The following DACH1 variants were observed in gnomAD, a reference collection of about 807,000 sequenced individuals.
DACH1 encodes the protein dachshund family transcription factor 1, also known as dachshund homolog 1.
DACH1 carries 12 observed loss-of-function variants against 54.2 expected under a neutral mutation model. The observed-to-expected ratio is 0.22, with a 90% confidence interval of 0.14 to 0.36. The LOEUF (loss-of-function observed/expected upper bound fraction) is 0.36. Among genes scored for constraint, DACH1 ranks in the 10% least tolerant of loss-of-function variants. The pLI is 1.00. For missense variants in DACH1, 805 were observed against 929.8 expected (o/e 0.87, Z 1.75); for synonymous variants, 386 against 366.2 (o/e 1.05, Z -0.62).
At position 71,866,470 on chromosome 13, in the gene DACH1, A is replaced by G. The variant is rs1364941620; in HGVS notation, c.300T>C (p.Gly100=). ...CCAGGTTGGGGTTGCAGTTGCTGCCACCGCCGCCGCCGCCACCGCCGCCTC... is the reference window on the plus strand; with the variant it reads ...CCAGGTTGGGGTTGCAGTTGCTGCCGCCGCCGCCGCCGCCACCGCCGCCTC... ...GNGGGGGGGG[G]GSNCNPNLAA... Residue 100 remains glycine, a synonymous_variant, in exon 1 of 11, where the codon GGT becomes GGC. Coordinates refer to ENST00000613252, the MANE Select transcript of DACH1 (RefSeq NM_080759.6). 26 of 1,256,846 alleles carry G rather than the reference A, an allele frequency of 2.1e-5. No homozygotes were observed. Among genetic ancestry groups the G allele is most frequent in the East Asian group, 1.6e-4 (5 of 30,372 alleles). The allele number at this position is 1,256,846 out of a possible 1,614,324, so 77.9% of individuals were successfully genotyped here.
chr13:71,530,253 A>C (rs551428399), intron 6 of DACH1, among the ~76,000 whole-genome samples: 158 of 152,314 alleles, frequency 1.0e-3, no homozygotes, highest in Non-Finnish European at 1.8e-3. Context: ...AGGCTCTCTT[A>C]TTGCTATATA....
intron 2 of DACH1, among the ~76,000 whole-genome samples, chr13:71,645,221 C>T (rs1377427941): frequency 1.3e-5 from 2 of 152,082 alleles, no homozygotes; most frequent in African/African-American, 2.4e-5. Context: ...GATTCTCCCC[C>T]CTCTTTATTT....
chr13:71,807,419 C>CAAAAAA (rs10688170), intron 1 of DACH1, among the ~76,000 whole-genome samples: 87 of 99,664 alleles, frequency 8.7e-4, no homozygotes, highest in African/African-American at 3.3e-3. Flanking sequence ...TCACAGATTG[C>CAAAAAA]AAAAAAAAAA....
chr13:71,850,248 ATAGT>A (rs1264959500), intron 1 of DACH1, among the ~76,000 whole-genome samples: 1 of 152,200 alleles, frequency 6.6e-6, no homozygotes, highest in African/African-American at 2.4e-5. Flanking sequence ...TTATTAACAA[ATAGT>A]TAGAGAAGTA....
At chr13:71,601,625 A>G (rs1391722867) in intron 3 of DACH1, among the ~76,000 whole-genome samples, 2 of 152,012 alleles carry the variant, frequency 1.3e-5, no homozygotes, top group Non-Finnish European at 1.5e-5. Flanking sequence ...CAAAACAAAA[A>G]CAAAAACTTA....
rs1041840202 is a variant in DACH1, at chr13:71,836,502, G to T, written c.848+29420C>A. ...CTAGTTTTTATCTGCAGCATAGTTT[G>T]TTCTTGTCCCTTAGAATTGCAGGAA... On this transcript the variant is annotated intron_variant, in intron 1 of 10. Coordinates refer to ENST00000613252, the MANE Select transcript of DACH1 (RefSeq NM_080759.6). Among the ~76,000 whole-genome samples, 5 of 152,100 alleles carry T rather than the reference G, an allele frequency of 3.3e-5. No homozygotes were observed. The East Asian group carries it at 9.7e-4, about 29-fold the overall frequency.
At chr13:71,557,248 C>CCTG in intron 5 of DACH1, 90 bp from the exon 6 acceptor site, 1 of 1,106,502 alleles carries the variant, frequency 9.0e-7, no homozygotes, top group Non-Finnish European at 1.2e-6. Flanking sequence ...CTCTCTTGGA[C>CCTG]TCAACAGTAA....
chr13:71,783,796 G>GA (rs1165009534), intron 1 of DACH1, among the ~76,000 whole-genome samples: 22 of 150,104 alleles, frequency 1.5e-4, no homozygotes, highest in Admixed American at 1.5e-3. Flanking sequence ...AGAATGAATG[G>GA]AAAAAAACAT....
At chr13:71,547,131 G>C (rs1040246514) in intron 6 of DACH1, among the ~76,000 whole-genome samples, 2 of 151,996 alleles carry the variant, frequency 1.3e-5, no homozygotes, top group Non-Finnish European at 2.9e-5. Context: ...GCCAAATAAA[G>C]GTCTGAGGTT....
chr13:71,747,433 T>G (rs1429565889), intron 1 of DACH1, among the ~76,000 whole-genome samples: 1 of 151,990 alleles, frequency 6.6e-6, no homozygotes, highest in Non-Finnish European at 1.5e-5. Context: ...ATTAAAAAAT[T>G]AGCTGGGTGA....
intron 1 of DACH1, among the ~76,000 whole-genome samples, chr13:71,720,469 AG>A (rs1314076409): frequency 6.6e-6 from 1 of 152,184 alleles, no homozygotes; most frequent in Non-Finnish European, 1.5e-5. Context: ...GTCTAGTTCA[AG>A]GCTCAGCTCA....
At chr13:71,748,724 T>C (rs1349192549) in intron 1 of DACH1, among the ~76,000 whole-genome samples, 2 of 152,188 alleles carry the variant, frequency 1.3e-5, no homozygotes, top group Non-Finnish European at 2.9e-5. Context: ...GAAAATAATG[T>C]AAGGATTTCA....
At chr13:71,482,881 A>G (rs1593764636) in intron 7 of DACH1, among the ~76,000 whole-genome samples, 1 of 147,540 alleles carries the variant, frequency 6.8e-6, no homozygotes, top group Admixed American at 7.1e-5. Context: ...GCTCACTGCA[A>G]CCTCTGCTTC....
At chr13:71,664,440 G>A (rs571857161) in intron 2 of DACH1, among the ~76,000 whole-genome samples, 58 of 152,008 alleles carry the variant, frequency 3.8e-4, no homozygotes, top group African/African-American at 1.3e-3. Context: ...GCCATAAATG[G>A]TTGAAACAAT....
chr13:71,707,704 A>T (rs1244437083), intron 1 of DACH1, among the ~76,000 whole-genome samples: 1 of 152,204 alleles, frequency 6.6e-6, no homozygotes, highest in Non-Finnish European at 1.5e-5. Flanking sequence ...TAAGAAAAGT[A>T]ATAACTTTAA....
intron 1 of DACH1, among the ~76,000 whole-genome samples, chr13:71,836,587 T>G (rs1359196643): frequency 6.6e-6 from 1 of 152,080 alleles, no homozygotes; most frequent in African/African-American, 2.4e-5. Flanking sequence ...TTAACTCTGA[T>G]CCATACTTCC....
intron 3 of DACH1, among the ~76,000 whole-genome samples, chr13:71,619,431 A>G (rs1277529867): frequency 2.6e-5 from 4 of 151,920 alleles, no homozygotes; most frequent in African/African-American, 4.8e-5. Context: ...GCAATCACAC[A>G]TCTCACAATT....
At chr13:71,697,855 C>T (rs912107838) in intron 1 of DACH1, among the ~76,000 whole-genome samples, 3 of 151,922 alleles carry the variant, frequency 2.0e-5, no homozygotes, top group African/African-American at 7.2e-5. Context: ...AATTTGCTGG[C>T]TATTTGAAAA....
At chr13:71,493,890 A>T (rs1346810531) in intron 6 of DACH1, among the ~76,000 whole-genome samples, 1 of 152,174 alleles carries the variant, frequency 6.6e-6, no homozygotes, top group Non-Finnish European at 1.5e-5. Context: ...TCTGAAAAAG[A>T]ATGAGTCATA....
Sources: allele counts gnomAD v4.1 joint callset (sites outside exome capture counted in the v4.1 genomes callset), GRCh38; gene constraint gnomAD v4.1.1; transcripts MANE v1.5; gene names NCBI Gene and HGNC (gene_info 2026-07-23, HGNC 2026-07-21).